CARMIL1: variants seen among roughly 807,000 people sequenced by gnomAD.
CARMIL1 encodes F-actin-uncapping protein LRRC16A.
Under a neutral mutation model 177.1 loss-of-function variants are expected in CARMIL1, and 90 were observed. The ratio of observed to expected loss-of-function variants is 0.51; its 90% CI spans 0.43 to 0.61. CARMIL1 has a LOEUF of 0.61. CARMIL1 is among the 20% of genes least tolerant of loss of function. The pLI is 0.00. For synonymous variants in CARMIL1, 577 were observed against 606.2 expected (o/e 0.95, Z 0.71); for missense variants, 1,380 against 1,667.0 (o/e 0.83, Z 3.00).
intron 2 of CARMIL1, among the ~76,000 whole-genome samples, chr6:25,314,999 A>G (rs1561972716): frequency 6.6e-6 from 1 of 152,206 alleles, no homozygotes. Context: ...GAAAAATACA[A>G]TAGCTCCTAT....
chr6:25,609,265 G>A (rs903426548), intron 35 of CARMIL1, among the ~76,000 whole-genome samples: 2 of 151,964 alleles, frequency 1.3e-5, no homozygotes, highest in Non-Finnish European at 2.9e-5. Context: ...AGGAGATCGA[G>A]ACCATCCTGG....
At chr6:25,396,442 A>T (rs1793401485) in intron 2 of CARMIL1, among the ~76,000 whole-genome samples, 1 of 150,722 alleles carries the variant, frequency 6.6e-6, no homozygotes, top group East Asian at 2.0e-4. Flanking sequence ...GCTCACTGCA[A>T]CCTCTGGCTT....
intron 2 of CARMIL1, among the ~76,000 whole-genome samples, chr6:25,371,050 A>G (rs1198711508): frequency 6.6e-6 from 1 of 152,166 alleles, no homozygotes; most frequent in Non-Finnish European, 1.5e-5. Context: ...CTTCACGTAG[A>G]ATAATGGCCT....
chr6:25,446,284 G>A (rs979438312), intron 5 of CARMIL1, among the ~76,000 whole-genome samples: 2 of 152,220 alleles, frequency 1.3e-5, no homozygotes, highest in Non-Finnish European at 2.9e-5. Context: ...CTTCCAGTAG[G>A]AGGCTCTTTC....
chr6:25,514,949 A>C (rs1222193067), intron 20 of CARMIL1, among the ~76,000 whole-genome samples: 1 of 151,894 alleles, frequency 6.6e-6, no homozygotes, highest in African/African-American at 2.4e-5. Flanking sequence ...AAAAAGATAA[A>C]ATTAAAGGGT....
rs559666091 is a variant in CARMIL1 at position 25,474,258 on chromosome 6, C to A, written c.874+1737C>A. Among the ~76,000 whole-genome samples the A allele has an allele frequency of 1.7e-4, 26 of 151,874 alleles. 1 individual carries two copies. The South Asian group carries it at 5.2e-3, about 30-fold the overall frequency. Reference sequence around the variant, plus strand: ...GAGTAGCTGGGACTACAGGTGCCCACCACCATGCCCAGCTAATTTTTTGTA... The same window carrying A: ...GAGTAGCTGGGACTACAGGTGCCCAACACCATGCCCAGCTAATTTTTTGTA... On this transcript the variant is annotated intron_variant, in intron 11 of 36. Coordinates refer to ENST00000329474, the MANE Select transcript of CARMIL1 (RefSeq NM_017640.6).
intron 29 of CARMIL1, among the ~76,000 whole-genome samples, chr6:25,560,983 C>T (rs1262291601): frequency 6.6e-6 from 1 of 152,136 alleles, no homozygotes; most frequent in African/African-American, 2.4e-5. Flanking sequence ...CCTCCTGTGC[C>T]TCTCTATATG....
chr6:25,474,171 G>A (rs889762270), intron 11 of CARMIL1, among the ~76,000 whole-genome samples: 7 of 151,000 alleles, frequency 4.6e-5, no homozygotes, highest in Non-Finnish European at 7.4e-5. Flanking sequence ...GCAGTGGCGC[G>A]ATCTTGGCTC....
intron 2 of CARMIL1, among the ~76,000 whole-genome samples, chr6:25,385,762 A>C (rs146274730): frequency 6.6e-6 from 1 of 152,204 alleles, no homozygotes; most frequent in Admixed American, 6.5e-5. Context: ...GGTGCAAATT[A>C]GTAAGGCTTC....
At chr6:25,453,643 C>T (rs560590302) in intron 8 of CARMIL1, among the ~76,000 whole-genome samples, 2 of 152,356 alleles carry the variant, frequency 1.3e-5, no homozygotes, top group Admixed American at 6.5e-5. Flanking sequence ...CCAGTGAAGA[C>T]TCCCGCCTTG....
intron 2 of CARMIL1, among the ~76,000 whole-genome samples, chr6:25,339,012 A>G (rs1264438400): frequency 6.9e-6 from 1 of 144,936 alleles, no homozygotes; most frequent in Non-Finnish European, 1.5e-5. Flanking sequence ...AATGAAAAAA[A>G]TATAGAATTT....
intron 17 of CARMIL1, among the ~76,000 whole-genome samples, chr6:25,502,227 G>A (rs1333489111): frequency 6.7e-6 from 1 of 149,290 alleles, no homozygotes; most frequent in Non-Finnish European, 1.5e-5. Flanking sequence ...GGTGGGATAG[G>A]TTATTCTGTC....
At chr6:25,538,097 C>A in intron 25 of CARMIL1, 114 bp downstream of exon 25, 3 of 1,192,606 alleles carry the variant, frequency 2.5e-6, no homozygotes, top group Non-Finnish European at 3.4e-6. Flanking sequence ...AGTTTACTAA[C>A]AAGTGGCAAA....
intron 2 of CARMIL1, among the ~76,000 whole-genome samples, chr6:25,339,252 C>T (rs564570141): frequency 6.6e-4 from 100 of 152,296 alleles, no homozygotes; most frequent in Non-Finnish European, 1.2e-3. Context: ...CTTGCGAAGT[C>T]ATTTGAATAT....
At chr6:25,445,973 G>C (rs1798196618) in intron 5 of CARMIL1, among the ~76,000 whole-genome samples, 1 of 152,130 alleles carries the variant, frequency 6.6e-6, no homozygotes, top group African/African-American at 2.4e-5. Flanking sequence ...GTAACATTTT[G>C]ACAGGAATCT....
At chr6:25,523,024 C>T (rs1806727452) in intron 23 of CARMIL1, among the ~76,000 whole-genome samples, 1 of 152,188 alleles carries the variant, frequency 6.6e-6, no homozygotes, top group African/African-American at 2.4e-5. Context: ...GTCTCAAACT[C>T]CTGCACTCAA....
intron 2 of CARMIL1, among the ~76,000 whole-genome samples, chr6:25,337,049 A>G (rs1256142822): frequency 6.6e-6 from 1 of 152,234 alleles, no homozygotes; most frequent in Non-Finnish European, 1.5e-5. Context: ...CTGCTTGAAT[A>G]AGTGCAGTAC....
intron 2 of CARMIL1, among the ~76,000 whole-genome samples, chr6:25,412,102 T>G (rs2150643028): frequency 6.6e-6 from 1 of 152,334 alleles, no homozygotes; most frequent in Middle Eastern, 3.4e-3. Context: ...TCTGGATAAC[T>G]CTCTTCTTGG....
In CARMIL1 at chr6:25,577,171, T is replaced by A; in HGVS notation, c.2743-3753T>A. ...ACAAGATTGGATTTTGCAAGATGGT[T>A]CAGCTAGCAAAACAGGCGATGAATT... On this transcript the variant is annotated intron_variant, in intron 29 of 36. Coordinates refer to ENST00000329474, the MANE Select transcript of CARMIL1 (RefSeq NM_017640.6). The surrounding 1 kb of genome is among the most constrained non-coding windows in gnomAD (Gnocchi z 4.5). 1 of 965,424 alleles carries A rather than the reference T, an allele frequency of 1.0e-6. No individual in the cohort carries two copies. The highest frequency in any genetic ancestry group is 1.2e-6 in the Non-Finnish European group (1 of 811,758). 59.8% of individuals were successfully genotyped at this position (965,424 alleles called of 1,614,324 possible). A position where few individuals can be genotyped will look rare whatever the true frequency, so the allele number is the denominator to read the frequency against.
Sources: gnomAD v4.1 joint callset for allele counts (sites outside exome capture counted in the v4.1 genomes callset) on GRCh38, gnomAD v4.1.1 for gene constraint, Gnocchi (gnomAD v3.1) non-coding constraint, MANE v1.5 for transcripts, NCBI Gene and HGNC (gene_info 2026-07-23, HGNC 2026-07-21) for gene names.